ARHGAP24: variants seen among roughly 807,000 people sequenced by gnomAD.
ARHGAP24 encodes rho GTPase-activating protein 24.
ARHGAP24 carries 50 observed loss-of-function variants against 76.4 expected under a neutral mutation model. The observed-to-expected ratio is 0.65, with a 90% confidence interval of 0.52 to 0.83. The LOEUF is 0.83. Among genes scored for constraint, ARHGAP24 ranks in the 40% least tolerant of loss-of-function variants. ARHGAP24 has a pLI of 0.00. For missense variants in ARHGAP24, 930 were observed against 914.2 expected, an observed-to-expected ratio of 1.02 and a Z score of -0.22; for synonymous variants, 345 against 323.3, an observed-to-expected ratio of 1.07 and a Z score of -0.72.
chr4:85,809,503 T>C (rs1299399067), intron 3 of ARHGAP24, among the ~76,000 whole-genome samples: 1 of 152,202 alleles, frequency 6.6e-6, no homozygotes, highest in East Asian at 1.9e-4. Context: ...CAAAATGTTA[T>C]AATATAACGG....
At chr4:85,864,187 G>A (rs72658273) in intron 3 of ARHGAP24, among the ~76,000 whole-genome samples, 8,671 of 152,076 alleles carry the variant, frequency 0.057, 511 homozygotes, top group South Asian at 0.25. Context: ...GAAGCTCCCA[G>A]CTTTCAGGCT....
chr4:85,548,739 C>CATCT (rs1726011426), intron 1 of ARHGAP24, among the ~76,000 whole-genome samples: 1 of 152,164 alleles, frequency 6.6e-6, no homozygotes, highest in Non-Finnish European at 1.5e-5. Flanking sequence ...ATTAGACAAA[C>CATCT]ATCTAGACCC....
intron 2 of ARHGAP24, among the ~76,000 whole-genome samples, chr4:85,685,324 C>A (rs1723375311): frequency 1.3e-5 from 2 of 152,114 alleles, no homozygotes; most frequent in African/African-American, 4.8e-5. Context: ...GTCTTTCATG[C>A]CCTCAACAGA....
At chr4:85,941,319 A>C (rs1358016926) in intron 4 of ARHGAP24, among the ~76,000 whole-genome samples, 3 of 152,208 alleles carry the variant, frequency 2.0e-5, no homozygotes, top group Non-Finnish European at 4.4e-5. Flanking sequence ...TTGTAAAATC[A>C]TTAATAAATC....
At chr4:85,705,834 T>C (rs1724289134) in intron 2 of ARHGAP24, among the ~76,000 whole-genome samples, 1 of 152,196 alleles carries the variant, frequency 6.6e-6, no homozygotes, top group South Asian at 2.1e-4. Flanking sequence ...AGCACCAGGC[T>C]GTAACAGTTA....
intron 3 of ARHGAP24, among the ~76,000 whole-genome samples, chr4:85,751,742 C>T (rs1242859588): frequency 6.6e-6 from 1 of 152,152 alleles, no homozygotes; most frequent in Non-Finnish European, 1.5e-5. Context: ...CCTTCCCAAT[C>T]CCTCAAGTTT....
At chr4:85,988,766 T>C (rs2148866069) in intron 8 of ARHGAP24, among the ~76,000 whole-genome samples, 1 of 151,578 alleles carries the variant, frequency 6.6e-6, no homozygotes, top group East Asian at 1.9e-4. Flanking sequence ...AAGGCAGAGA[T>C]AAAATAAATA....
intron 3 of ARHGAP24, among the ~76,000 whole-genome samples, chr4:85,868,134 G>A (rs1473754900): frequency 6.6e-6 from 1 of 151,952 alleles, no homozygotes; most frequent in Non-Finnish European, 1.5e-5. Context: ...GCCTGGAAAG[G>A]CAGAACATCT....
chr4:85,650,284 T>A (rs1004481416), intron 2 of ARHGAP24, among the ~76,000 whole-genome samples: 1 of 149,606 alleles, frequency 6.7e-6, no homozygotes, highest in Non-Finnish European at 1.5e-5. Flanking sequence ...AGTCCAACAA[T>A]TTTTCACAAA....
intron 2 of ARHGAP24, among the ~76,000 whole-genome samples, chr4:85,588,498 A>T (rs904674179): frequency 2.6e-5 from 4 of 152,118 alleles, no homozygotes; most frequent in African/African-American, 9.7e-5. Context: ...TAAGGTCGCT[A>T]TTAGCTCGCC....
chr4:85,640,901 A>C (rs1445622768), intron 2 of ARHGAP24, among the ~76,000 whole-genome samples: 1 of 102,436 alleles, frequency 9.8e-6, no homozygotes, highest in Non-Finnish European at 2.0e-5. Flanking sequence ...TTATAAAACA[A>C]TTTTTTGGAT....
At chr4:85,552,681 C>T (rs970080068) in intron 1 of ARHGAP24, among the ~76,000 whole-genome samples, 1 of 152,124 alleles carries the variant, frequency 6.6e-6, no homozygotes, top group African/African-American at 2.4e-5. Context: ...TAAGAACTTT[C>T]TCTATGAGTC....
At chr4:85,550,570 T>C (rs537166874) in intron 1 of ARHGAP24, among the ~76,000 whole-genome samples, 4 of 152,306 alleles carry the variant, frequency 2.6e-5, no homozygotes, top group African/African-American at 7.2e-5. Flanking sequence ...TCTTTTTTTT[T>C]CCTAATTCTG....
At chr4:85,968,007 G>C (rs911865973) in intron 5 of ARHGAP24, among the ~76,000 whole-genome samples, 2 of 152,110 alleles carry the variant, frequency 1.3e-5, no homozygotes, top group African/African-American at 2.4e-5. Context: ...TCTCATACAT[G>C]GTTTGAACAG....
intron 2 of ARHGAP24, among the ~76,000 whole-genome samples, chr4:85,662,457 T>A (rs928049708): frequency 2.6e-5 from 4 of 150,996 alleles, no homozygotes; most frequent in Admixed American, 6.6e-5. Flanking sequence ...TTTTCTCCCA[T>A]TTTGTAGGTT....
chr4:85,598,109 A>G (rs1578066378), intron 2 of ARHGAP24, among the ~76,000 whole-genome samples: 1 of 152,096 alleles, frequency 6.6e-6, no homozygotes, highest in East Asian at 1.9e-4. Flanking sequence ...ATGCAGCCAC[A>G]CTATAAAGCA....
chr4:85,890,493 C>A (rs915412313), intron 3 of ARHGAP24, among the ~76,000 whole-genome samples: 3 of 152,114 alleles, frequency 2.0e-5, no homozygotes, highest in South Asian at 2.1e-4. Context: ...ACAAACATAA[C>A]CACAGAGGGA....
intron 3 of ARHGAP24, among the ~76,000 whole-genome samples, chr4:85,845,233 T>G (rs1730815645): frequency 6.6e-6 from 1 of 152,228 alleles, no homozygotes; most frequent in African/African-American, 2.4e-5. Context: ...AATTATGATT[T>G]TACCCAACCT....
intron 3 of ARHGAP24, among the ~76,000 whole-genome samples, chr4:85,915,348 C>CTTTTTTA (rs1341049814): frequency 6.6e-6 from 1 of 152,040 alleles, no homozygotes; most frequent in East Asian, 1.9e-4. Context: ...AAATGTATCA[C>CTTTTTTA]AATTATACTT....
Sources: allele counts gnomAD v4.1 joint callset (sites outside exome capture counted in the v4.1 genomes callset), GRCh38; gene constraint gnomAD v4.1.1; transcripts MANE v1.5; gene names NCBI Gene and HGNC (gene_info 2026-07-23, HGNC 2026-07-21).